MNAT1: variants seen among roughly 807,000 people sequenced by gnomAD.
MNAT1 encodes MNAT1 component of CDK activating kinase, also known as CDK-activating kinase assembly factor MAT1.
Under a neutral mutation model 42.0 loss-of-function variants are expected in MNAT1, and 43 were observed. That is an observed-to-expected ratio of 1.02 (90% confidence interval 0.80 to 1.32). The LOEUF is 1.32. MNAT1 is among the 40% of genes most tolerant of loss of function. The probability of loss-of-function intolerance (pLI) is 0.00; values close to 1 mark genes in which losing one functional copy is unlikely to be tolerated. For missense variants in MNAT1, 306 were observed against 350.4 expected, an observed-to-expected ratio of 0.87 and a Z score of 1.01; for synonymous variants, 118 against 120.0, an observed-to-expected ratio of 0.98 and a Z score of 0.11.
chr14:60,807,887 G>A (rs2032422649), intron 3 of MNAT1, among the ~76,000 whole-genome samples: 1 of 151,894 alleles, frequency 6.6e-6, no homozygotes, highest in Non-Finnish European at 1.5e-5. Flanking sequence ...TTGGAATGGG[G>A]ATAAAACCTG....
intron 6 of MNAT1, among the ~76,000 whole-genome samples, chr14:60,858,827 A>G (rs1160881910): frequency 2.0e-5 from 3 of 152,198 alleles, no homozygotes; most frequent in Non-Finnish European, 4.4e-5. Flanking sequence ...GTAATAATGT[A>G]TTTTACATTA....
intron 7 of MNAT1, among the ~76,000 whole-genome samples, chr14:60,908,293 CT>C (rs2035259095): frequency 6.6e-6 from 1 of 151,934 alleles, no homozygotes; most frequent in Non-Finnish European, 1.5e-5. Flanking sequence ...TCACTGTGTG[CT>C]TTTTCTGGAT....
chr14:60,876,865 T>C (rs963797076), intron 6 of MNAT1, among the ~76,000 whole-genome samples: 10 of 152,130 alleles, frequency 6.6e-5, no homozygotes, highest in Non-Finnish European at 1.3e-4. Context: ...ACATTTTTGC[T>C]ACTGAAAATA....
intron 7 of MNAT1, among the ~76,000 whole-genome samples, chr14:60,908,386 A>G (rs557340553): frequency 1.3e-5 from 2 of 152,070 alleles, no homozygotes; most frequent in South Asian, 4.2e-4. Flanking sequence ...TTTGTTACAT[A>G]TGTATACATG....
At chr14:60,961,603 C>A (rs1485047615) in intron 7 of MNAT1, among the ~76,000 whole-genome samples, 1 of 152,064 alleles carries the variant, frequency 6.6e-6, no homozygotes. Context: ...TCATCAAGCC[C>A]TACTTTCTCA....
At chr14:60,914,128 T>C (rs1431868352) in intron 7 of MNAT1, among the ~76,000 whole-genome samples, 1 of 152,182 alleles carries the variant, frequency 6.6e-6, no homozygotes, top group Non-Finnish European at 1.5e-5. Context: ...CCGAGCCTGG[T>C]GCAGGATATA....
rs1175621798 is a variant in MNAT1, at chr14:60,877,386, C to G, written c.688-2328C>G. On this transcript the variant is annotated intron_variant, in intron 6 of 7. Transcript: ENST00000261245. ...CTATTGAACTTGTTGAAGAGAGAAA[C>G]TGTAATCCAGATGCAAGGATCTTCG... 2.0e-5 allele frequency among the ~76,000 whole-genome samples: 3 copies of G among 152,156 alleles called. No individual in the cohort carries two copies. The East Asian group carries it at 5.8e-4, about 29-fold the overall frequency.
intron 3 of MNAT1, among the ~76,000 whole-genome samples, chr14:60,807,257 A>G (rs1428407571): frequency 1.3e-5 from 2 of 152,214 alleles, no homozygotes; most frequent in Non-Finnish European, 2.9e-5. Flanking sequence ...TTTACTCAAC[A>G]AAACAAGCAA....
intron 6 of MNAT1, among the ~76,000 whole-genome samples, chr14:60,862,179 G>A (rs1195761236): frequency 3.3e-5 from 5 of 152,124 alleles, no homozygotes; most frequent in Non-Finnish European, 7.4e-5. Flanking sequence ...AAGACAGCAA[G>A]GCAAGTAATT....
chr14:60,848,495 G>C (rs1322670103), intron 6 of MNAT1, among the ~76,000 whole-genome samples: 1 of 152,058 alleles, frequency 6.6e-6, no homozygotes, highest in Non-Finnish European at 1.5e-5. Context: ...ATTCCCTCAA[G>C]TTTTATATAA....
rs551364431 is a variant in MNAT1 at position 60,798,821 on chromosome 14, A to T, written c.316+661A>T. 2.6e-4 allele frequency among the ~76,000 whole-genome samples: 40 copies of T among 152,316 alleles called. 1 individual carries two copies. In the South Asian group the frequency reaches 7.9e-3, roughly 30 times the overall value. ...GCTGCTTTTTAAACTTGCAGTAATT[A>T]TTACTAAGTGCGGGTTTGGAAATGA... On this transcript the variant is annotated intron_variant, in intron 3 of 7. Transcript: ENST00000261245.
Position 60,923,069 on chromosome 14 carries a change from T to G in MNAT1, c.809+43234T>G, listed in dbSNP as rs10130274. Among the ~76,000 whole-genome samples the G allele has an allele frequency of 5.2e-3, 796 of 152,334 alleles. 6 individuals are homozygous for G. Among genetic ancestry groups the G allele is most frequent in the African/African-American group, 0.017 (717 of 41,574 alleles). ...CCATAGATACTTTCTTTCCCATATT[T>G]GTGAATAAAATTGAGCATTTGTTCA... On this transcript the variant is annotated intron_variant, in intron 7 of 7. Coordinates refer to ENST00000261245, the MANE Select transcript of MNAT1 (RefSeq NM_002431.4).
rs140094569 is a variant in MNAT1 at position 60,959,571 on chromosome 14, G to A, written c.810-8658G>A. On this transcript the variant is annotated intron_variant, in intron 7 of 7. Coordinates refer to ENST00000261245, the MANE Select transcript of MNAT1 (RefSeq NM_002431.4). ...TCCTTTTCTATGCTGATCAGTGCTA[G>A]CCTTGGGAATGGGATGATAAAGGCA... 5.1e-3 allele frequency among the ~76,000 whole-genome samples: 774 copies of A among 152,272 alleles called. 13 individuals are homozygous for A. The highest frequency in any genetic ancestry group is 0.017 in the African/African-American group (726 of 41,560).
In MNAT1 at chr14:60,879,765, G is replaced by A. The variant is rs76568192; in HGVS notation, c.739G>A (p.Glu247Lys). The A allele has an allele frequency of 2.5e-6, 4 of 1,613,212 alleles. No individual in the cohort carries two copies. The highest frequency in any genetic ancestry group is 3.4e-6 in the Non-Finnish European group (4 of 1,179,446). ...PIHKLEEALY[E>K]YQPLQIETYG... is the part of the protein sequence containing the mutation. ...TCACAAGCTTGAAGAAGCTCTGTAT[G>A]AATACCAGCCACTGCAGATAGAGAC... Residue 247 changes from glutamate (E) to lysine (K), a missense_variant, in exon 7 of 8, where the codon GAA (glutamate) becomes AAA (lysine). By Grantham distance (56) the Glu-to-Lys change is moderately conservative (BLOSUM62 1). Around this residue, in one of 3 missense-constraint regions of MNAT1, gnomAD observed 116 missense variants for 139.6 expected, o/e 0.83. Transcript: ENST00000261245.
chr14:60,846,159 T>C (rs1238927317), intron 6 of MNAT1, among the ~76,000 whole-genome samples: 2 of 151,084 alleles, frequency 1.3e-5, no homozygotes, highest in African/African-American at 4.9e-5. Context: ...TTCCCCATTC[T>C]CCTATTCCTT....
chr14:60,828,775 C>A (rs141969990), intron 6 of MNAT1, among the ~76,000 whole-genome samples: 85 of 152,268 alleles, frequency 5.6e-4, no homozygotes, highest in Non-Finnish European at 1.1e-3. Flanking sequence ...TTCCCACGAT[C>A]CCTTCCTGTG....
At position 60,904,992 on chromosome 14, in the gene MNAT1, TTG is replaced by T. The variant is rs1320977378; in HGVS notation, c.809+25158_809+25159del. On this transcript the variant is annotated intron_variant, in intron 7 of 7. Coordinates refer to ENST00000261245, the MANE Select transcript of MNAT1 (RefSeq NM_002431.4). ...CAGCAGTTCCTTTTTTTTTTTTTTT[TTG>T]GACGGAGTCTCGCTCTGTTGCCCAG... 5.6e-4 allele frequency among the ~76,000 whole-genome samples: 79 copies of T among 142,178 alleles called. 9 individuals are homozygous for T. Among genetic ancestry groups the T allele is most frequent in the African/African-American group, 8.7e-4 (34 of 39,288 alleles). 93.3% of individuals were successfully genotyped at this position (142,178 alleles called of 152,430 possible).
intron 1 of MNAT1, chr14:60,753,904 G>C (rs1319426666): frequency 6.6e-6 from 1 of 152,100 alleles, no homozygotes. Flanking sequence ...CATTTCCAAG[G>C]CTAGGTCTTT....
intron 7 of MNAT1, among the ~76,000 whole-genome samples, chr14:60,900,414 A>G (rs1212572669): frequency 6.6e-6 from 1 of 152,230 alleles, no homozygotes; most frequent in East Asian, 1.9e-4. Context: ...TGGTCTGGAT[A>G]GATCGAAGAA....
Sources: gnomAD v4.1 joint callset for allele counts (sites outside exome capture counted in the v4.1 genomes callset) on GRCh38, gnomAD v4.1.1 for gene constraint, gnomAD v4.1.1 regional missense constraint, MANE v1.5 for transcripts, NCBI Gene and HGNC (gene_info 2026-07-23, HGNC 2026-07-21) for gene names.